PTGER3: variants seen among roughly 807,000 people sequenced by gnomAD.
PTGER3 encodes prostaglandin E receptor 3.
Under a neutral mutation model 34.7 loss-of-function variants are expected in PTGER3, and 22 were observed. That is an observed-to-expected ratio of 0.63 (90% confidence interval 0.45 to 0.91). The LOEUF is 0.91. PTGER3 is among the 40% of genes least tolerant of loss of function. The pLI is 0.00. For synonymous variants in PTGER3, 241 were observed against 230.1 expected (o/e 1.05, Z -0.43); for missense variants, 468 against 519.4 (o/e 0.90, Z 0.96).
At chr1:70,948,412 C>A (rs1010418732), downstream of PTGER3, among the ~76,000 whole-genome samples, 4 of 152,102 alleles carry the variant, frequency 2.6e-5, no homozygotes, top group African/African-American at 9.7e-5. Context: ...CCACCATTAA[C>A]TGTAAGTTTC....
intron 2 of PTGER3, among the ~76,000 whole-genome samples, chr1:70,958,909 T>C (rs1019988955): frequency 6.6e-6 from 1 of 152,200 alleles, no homozygotes; most frequent in Non-Finnish European, 1.5e-5. Flanking sequence ...ATCCATTTTT[T>C]TCAGCACCAT....
intron 2 of PTGER3, chr1:71,011,195 C>T (rs928806643): frequency 1.3e-5 from 13 of 985,244 alleles, no homozygotes; most frequent in African/African-American, 3.5e-5. Context: ...GTAGGAAAAA[C>T]ATTTTAGTAA....
chr1:70,961,250 T>C (rs1651903732), intron 2 of PTGER3, among the ~76,000 whole-genome samples: 1 of 152,252 alleles, frequency 6.6e-6, no homozygotes, highest in African/African-American at 2.4e-5. Context: ...GCCTGATTAA[T>C]ATGATTAGGT....
intron 1 of PTGER3, among the ~76,000 whole-genome samples, chr1:71,035,370 A>T (rs1659731385): frequency 6.6e-6 from 1 of 152,148 alleles, no homozygotes; most frequent in Non-Finnish European, 1.5e-5. Flanking sequence ...TTCTACAAAA[A>T]CAGATCTGCT....
intron 4 of PTGER3, among the ~76,000 whole-genome samples, chr1:70,899,503 C>T (rs1201696984): frequency 5.3e-5 from 8 of 152,030 alleles, no homozygotes; most frequent in Non-Finnish European, 1.0e-4. Context: ...GCATGAATCA[C>T]TAATGTGTTT....
intron 4 of PTGER3, among the ~76,000 whole-genome samples, chr1:70,891,542 T>C (rs1010829477): frequency 2.0e-5 from 3 of 152,160 alleles, no homozygotes; most frequent in Non-Finnish European, 2.9e-5. Context: ...AAAGAAAAAT[T>C]TGTCCATTTT....
In PTGER3 at chr1:70,942,002, A is replaced by C. The variant is rs138395124; in HGVS notation, c.*23+11761T>G. Among the ~76,000 whole-genome samples the C allele has an allele frequency of 7.1e-3, 1,085 of 152,260 alleles. 13 individuals carry two copies. Among genetic ancestry groups the C allele is most frequent in the African/African-American group, 0.025 (1,041 of 41,546 alleles). On this transcript the variant is annotated intron_variant, in intron 4 of 4. Transcript: ENST00000370931. ...TGTGATGACGACAGCTCCTATGTAC[A>C]AAATGCCTGTCTTTTCATAATAATA... is the stretch of plus-strand genomic sequence containing the variant.
chr1:70,952,907 T>C, exon 4 of PTGER3: 1 of 1,603,398 alleles, frequency 6.2e-7, no homozygotes, highest in Non-Finnish European at 8.5e-7. Flanking sequence ...TTTCTTCATG[T>C]TATTCTGTCT....
At chr1:70,974,269 A>G (rs1325135844) in intron 3 of PTGER3, 28 bp downstream of exon 3, 2 of 1,611,900 alleles carry the variant, frequency 1.2e-6, no homozygotes, top group South Asian at 2.2e-5. Flanking sequence ...AGGCTATGCT[A>G]TAAATCCCGG....
intron 4 of PTGER3, among the ~76,000 whole-genome samples, chr1:70,935,897 G>A (rs1263539263): frequency 1.3e-5 from 2 of 151,794 alleles, no homozygotes; most frequent in Non-Finnish European, 2.9e-5. Context: ...AAGTAAGCTG[G>A]GAAAAGGGAA....
intron 4 of PTGER3, chr1:70,862,190 T>TC (rs1645942355): frequency 4.0e-6 from 2 of 504,686 alleles, no homozygotes; most frequent in Non-Finnish European, 5.8e-6. Context: ...CCTCTTTTTT[T>TC]CACCCACTCC....
chr1:70,883,034 A>G (rs191001497), intron 4 of PTGER3, among the ~76,000 whole-genome samples: 1 of 152,312 alleles, frequency 6.6e-6, no homozygotes, highest in East Asian at 1.9e-4. Flanking sequence ...ATGTTCCAAC[A>G]ACTTTATGCA....
intron 4 of PTGER3, among the ~76,000 whole-genome samples, chr1:70,854,464 C>A (rs906919408): frequency 6.6e-6 from 1 of 152,120 alleles, no homozygotes; most frequent in African/African-American, 2.4e-5. Flanking sequence ...CCACCCAAAT[C>A]TCATGTCAAA....
At chr1:71,018,015 TC>T (rs1273912988) in intron 1 of PTGER3, among the ~76,000 whole-genome samples, 1 of 152,188 alleles carries the variant, frequency 6.6e-6, no homozygotes, top group African/African-American at 2.4e-5. Context: ...TCCACCCGTC[TC>T]GACCTTCCAA....
At chr1:70,953,057 T>C in exon 4 of PTGER3, 1 of 1,592,982 alleles carries the variant, frequency 6.3e-7, no homozygotes, top group Non-Finnish European at 8.5e-7. Context: ...AACTGCAGAT[T>C]AACTAACCAC....
rs565755762 is a variant in PTGER3, at chr1:71,041,186, G to T, written c.897+5495C>A. ...GTAAGATCAAAGATGCGTTTAATAC[G>T]TTTAATACACCTAACATACTGAACA... On this transcript the variant is annotated intron_variant, in intron 1 of 3. Coordinates refer to ENST00000306666, the MANE Select transcript of PTGER3 (RefSeq NM_198719.2). 2.0e-5 allele frequency among the ~76,000 whole-genome samples: 3 copies of T among 152,272 alleles called. No individual in the cohort carries two copies. In the East Asian group the frequency reaches 5.8e-4, roughly 29 times the overall value.
Position 71,006,678 on chromosome 1 carries a change from C to T in PTGER3, c.1077+5627G>A, listed in dbSNP as rs78917778. The stretch of plus-strand genomic sequence containing the variant: ...ATTAAATCAACAATAATTTGTTATG[C>T]ACATGATTATGGAATATAAAACAAA... On this transcript the variant is annotated intron_variant, in intron 2 of 3. Coordinates refer to ENST00000306666, the MANE Select transcript of PTGER3 (RefSeq NM_198719.2). 2.3e-3 allele frequency: 2,281 copies of T among 984,064 alleles called. 54 individuals are homozygous for T. The African/African-American group carries it at 0.037, about 16-fold the overall frequency. 61.0% of individuals were successfully genotyped at this position (984,064 alleles called of 1,614,324 possible).
chr1:70,963,564 A>T (rs1264229335), intron 2 of PTGER3, among the ~76,000 whole-genome samples: 1 of 152,162 alleles, frequency 6.6e-6, no homozygotes, highest in Admixed American at 6.5e-5. Flanking sequence ...GCCAAGGCCC[A>T]GGGCCTGCGC....
intron 4 of PTGER3, among the ~76,000 whole-genome samples, chr1:70,926,291 A>G (rs1179937254): frequency 6.6e-6 from 1 of 152,106 alleles, no homozygotes; most frequent in Non-Finnish European, 1.5e-5. Flanking sequence ...TTTTCACGAT[A>G]TTGATTCTTG....
Sources: allele counts gnomAD v4.1 joint callset (sites outside exome capture counted in the v4.1 genomes callset), GRCh38; gene constraint gnomAD v4.1.1; transcripts MANE v1.5; gene names NCBI Gene and HGNC (gene_info 2026-07-23, HGNC 2026-07-21).